The following CLIP2 variants were observed in gnomAD, a reference collection of about 807,000 sequenced individuals.
CLIP2 encodes the protein CAP-Gly domain-containing linker protein 2.
Under a neutral mutation model 111.7 loss-of-function variants are expected in CLIP2, and 41 were observed. The observed-to-expected ratio is 0.37, with a 90% CI of 0.29 to 0.48. CLIP2 has a LOEUF of 0.48. Ranked by LOEUF, CLIP2 falls within the 20% of genes least tolerant of loss-of-function variation. The pLI is 0.99. For synonymous variants in CLIP2, 660 were observed against 644.2 expected (o/e 1.02, Z -0.37); for missense variants, 1,160 against 1,422.1 (o/e 0.82, Z 2.96).
chr7:74,296,482 C>G (rs1788171999), intron 1 of CLIP2, among the ~76,000 whole-genome samples: 1 of 149,952 alleles, frequency 6.7e-6, no homozygotes, highest in Non-Finnish European at 1.5e-5. Context: ...CACACTCCAG[C>G]CTGAGCAACA....
chr7:74,302,072 T>G (rs1471567922), intron 1 of CLIP2, among the ~76,000 whole-genome samples: 2 of 152,168 alleles, frequency 1.3e-5, no homozygotes, highest in African/African-American at 2.4e-5. Flanking sequence ...GGACCTTTTT[T>G]TGTGGCTGGT....
At chr7:74,399,305 A>C (rs1791547341) in intron 14 of CLIP2, among the ~76,000 whole-genome samples, 4 of 152,010 alleles carry the variant, frequency 2.6e-5, no homozygotes. Context: ...TGGGAGGCCA[A>C]GTTGGGAGGA....
intron 1 of CLIP2, among the ~76,000 whole-genome samples, chr7:74,295,234 T>C (rs555624210): frequency 4.6e-5 from 7 of 152,094 alleles, no homozygotes; most frequent in African/African-American, 1.7e-4. Flanking sequence ...AGTGCTAGGA[T>C]TATAGGTGTG....
chr7:74,346,242 A>C (rs1789792516), intron 3 of CLIP2, among the ~76,000 whole-genome samples: 1 of 151,982 alleles, frequency 6.6e-6, no homozygotes, highest in Non-Finnish European at 1.5e-5. Flanking sequence ...CAGTCTCCCA[A>C]AGTGTTGGGA....
At chr7:74,344,116 T>A (rs947776876) in intron 3 of CLIP2, among the ~76,000 whole-genome samples, 1 of 152,066 alleles carries the variant, frequency 6.6e-6, no homozygotes, top group African/African-American at 2.4e-5. Flanking sequence ...CCTAGTTTGA[T>A]CCCGCCTGGC....
intron 6 of CLIP2, among the ~76,000 whole-genome samples, chr7:74,359,310 T>TA (rs1367387678): frequency 1.3e-5 from 2 of 150,868 alleles, no homozygotes; most frequent in African/African-American, 4.9e-5. Flanking sequence ...TAAACTTTTT[T>TA]TTTTTTTTTT....
At chr7:74,399,553 G>GA (rs1332988634) in intron 14 of CLIP2, among the ~76,000 whole-genome samples, 28 of 117,364 alleles carry the variant, frequency 2.4e-4, no homozygotes, top group Non-Finnish European at 3.6e-4. Flanking sequence ...GGGGGGGGGG[G>GA]GGTGGGGACC....
intron 1 of CLIP2, among the ~76,000 whole-genome samples, chr7:74,315,922 TG>T (rs1408300886): frequency 1.3e-5 from 2 of 151,242 alleles, no homozygotes; most frequent in Non-Finnish European, 2.9e-5. Context: ...GTGCAGGATG[TG>T]CAGGTTTGTT....
chr7:74,399,885 T>C (rs1791570490), intron 14 of CLIP2, among the ~76,000 whole-genome samples: 2 of 150,468 alleles, frequency 1.3e-5, no homozygotes, highest in Non-Finnish European at 3.0e-5. Flanking sequence ...CTGGGCGCAG[T>C]GGCTCATGCC....
intron 1 of CLIP2, among the ~76,000 whole-genome samples, chr7:74,315,077 A>G (rs1006566401): frequency 6.6e-5 from 10 of 151,788 alleles, no homozygotes; most frequent in African/African-American, 1.5e-4. Flanking sequence ...GGAGTTTGAG[A>G]GCAGTCTGGC....
intron 1 of CLIP2, among the ~76,000 whole-genome samples, chr7:74,310,711 ACTTT>A (rs1184326620): frequency 1.3e-5 from 2 of 148,338 alleles, no homozygotes; most frequent in African/African-American, 4.9e-5. Context: ...TGTATTTTTA[ACTTT>A]CTTTTTTTTT....
In CLIP2 at chr7:74,338,482, C is replaced by G. The variant is rs112253688; in HGVS notation, c.156C>G (p.Ser52=). The change falls in exon 3 of 17, where the codon TCC becomes TCG. Residue 52 remains serine (S), a synonymous_variant. Coordinates refer to ENST00000223398, the MANE Select transcript of CLIP2 (RefSeq NM_003388.5). This position sits in a 1 kb window ranked among gnomAD's most constrained non-coding sequence, Gnocchi z 4.3. The part of the protein sequence containing the change: ...SPLHKQSSGP[S]SSPAAAAAPE... ...TGCACAAACAGTCATCTGGACCCTC[C>G]TCCTCCCCGGCCGCAGCTGCTGCCC... is the stretch of plus-strand genomic sequence containing the variant. 6.2e-7 allele frequency: 1 copy of G among 1,612,718 alleles called. No homozygotes were observed. The highest frequency in any genetic ancestry group is 1.7e-5 in the Admixed American group (1 of 59,920).
chr7:74,376,944 A>C lies in CLIP2; in HGVS notation c.2421+122A>C, dbSNP rs1362508082. 10 of 1,013,432 alleles carry C rather than the reference A, an allele frequency of 9.9e-6. No homozygotes were observed. The Admixed American group carries it at 2.9e-4, about 30-fold the overall frequency. The allele number at this position is 1,013,432 out of a possible 1,614,324, so 62.8% of individuals were successfully genotyped here. On this transcript the variant is annotated intron_variant, in intron 10 of 16. Coordinates refer to ENST00000223398, the MANE Select transcript of CLIP2 (RefSeq NM_003388.5). This position sits in a 1 kb window ranked among gnomAD's most constrained non-coding sequence, Gnocchi z 7.1. The stretch of plus-strand genomic sequence containing the variant: ...TTGTCCCCGAGAGCATGCCTGGGGC[A>C]GTCAAGGAAGGGGTCACCTGGCTTA...
In CLIP2 at chr7:74,376,426, C is replaced by T. The variant is rs782156652; in HGVS notation, c.2025C>T (p.Thr675=). Residue 675 remains threonine, a synonymous_variant, in exon 10 of 17, where the codon ACC becomes ACT. Coordinates refer to ENST00000223398, the MANE Select transcript of CLIP2 (RefSeq NM_003388.5). The surrounding 1 kb of genome is among the most constrained non-coding windows in gnomAD (Gnocchi z 7.1). ...GNLQAKHDLE[T]AMHVKEKEAL... ...TGCAGGCCAAGCATGACCTGGAGAC[C>T]GCCATGCACGTGAAGGAGAAGGAGG... 3.7e-6 allele frequency: 6 copies of T among 1,613,828 alleles called. No individual in the cohort carries two copies. Among genetic ancestry groups the T allele is most frequent in the African/African-American group, 2.7e-5 (2 of 74,872 alleles).
intron 13 of CLIP2, among the ~76,000 whole-genome samples, chr7:74,391,347 A>T (rs1205337770): frequency 6.6e-6 from 1 of 152,188 alleles, no homozygotes; most frequent in Non-Finnish European, 1.5e-5. Context: ...GAAGTAATGA[A>T]AATAGTTTTG....
chr7:74,362,528 CTTTTT>C (rs3044338), intron 7 of CLIP2, among the ~76,000 whole-genome samples: 1 of 121,978 alleles, frequency 8.2e-6, no homozygotes, highest in African/African-American at 3.1e-5. Flanking sequence ...TTTTTCTTTT[CTTTTT>C]TTTTTTTTTT....
At chr7:74,392,077 C>G (rs539466612) in intron 13 of CLIP2, among the ~76,000 whole-genome samples, 71 of 150,948 alleles carry the variant, frequency 4.7e-4, no homozygotes, top group Non-Finnish European at 8.1e-4. Context: ...CGTGGCTGGG[C>G]GCAGTGGCTC....
intron 2 of CLIP2, among the ~76,000 whole-genome samples, chr7:74,333,953 T>C (rs1487211368): frequency 6.6e-6 from 1 of 152,204 alleles, no homozygotes; most frequent in East Asian, 1.9e-4. Flanking sequence ...CCGAGGAAGC[T>C]CCTGTTAACC....
chr7:74,335,366 T>C (rs879965054), intron 2 of CLIP2, among the ~76,000 whole-genome samples: 14 of 152,188 alleles, frequency 9.2e-5, no homozygotes, highest in East Asian at 1.9e-4. Flanking sequence ...TTTTGTTATA[T>C]TTATTTTTTG....
Sources: allele counts gnomAD v4.1 joint callset (sites outside exome capture counted in the v4.1 genomes callset), GRCh38; gene constraint gnomAD v4.1.1; non-coding constraint Gnocchi (gnomAD v3.1); transcripts MANE v1.5; gene names NCBI Gene and HGNC (gene_info 2026-07-23, HGNC 2026-07-21).